The following ATP5PB variants were observed in gnomAD, a reference collection of about 807,000 sequenced individuals.
The protein encoded by ATP5PB is ATP synthase peripheral stalk-membrane subunit b, also known as ATP synthase peripheral stalk subunit b, mitochondrial.
Under a neutral mutation model 34.5 loss-of-function variants are expected in ATP5PB, and 21 were observed. That is an observed-to-expected ratio of 0.61 (90% CI 0.43 to 0.88). The LOEUF (loss-of-function observed/expected upper bound fraction) is 0.88, where lower values mean the gene tolerates loss of function less well. ATP5PB is among the 40% of genes least tolerant of loss of function. The pLI is 0.00. For missense variants in ATP5PB, 293 were observed against 317.4 expected (o/e 0.92, Z 0.58); for synonymous variants, 108 against 114.1 (o/e 0.95, Z 0.34).
Position 111,456,734 on chromosome 1 carries a change from T to G in ATP5PB, c.492T>G (p.His164Gln). ...AACAGGCACTGGTTCAGAAGCGCCA[T>G]TACCTTTTTGATGTGCAAAGGGTAG... Reference protein sequence around the residue: ...KSQQALVQKRHYLFDVQRNNI... With the variant: ...KSQQALVQKRQYLFDVQRNNI... The change falls in exon 5 of 7, where the codon CAT (histidine) becomes CAG (glutamine). Residue 164 changes from histidine (H) to glutamine (Q), a missense_variant. By Grantham distance (24) the His-to-Gln change is conservative. Coordinates refer to ENST00000369722, the MANE Select transcript of ATP5PB (RefSeq NM_001688.5). 6.2e-7 allele frequency: 1 copy of G among 1,611,472 alleles called. No individual in the cohort carries two copies. Among genetic ancestry groups the G allele is most frequent in the Non-Finnish European group, 8.5e-7 (1 of 1,179,002 alleles).
In ATP5PB at chr1:111,456,677, C is replaced by A. The variant is rs762862337; in HGVS notation, c.435C>A (p.His145Gln). The change falls in exon 5 of 7, where the codon CAC becomes CAA. Residue 145 changes from histidine to glutamine, a missense_variant. By Grantham distance (24) the His-to-Gln change is conservative (BLOSUM62 0). Coordinates refer to ENST00000369722, the MANE Select transcript of ATP5PB (RefSeq NM_001688.5). ...LEEAKQASIQHIQNAIDTEKS... is the reference protein window; with the variant it reads ...LEEAKQASIQQIQNAIDTEKS... ...AGGCGAAGCAGGCTTCCATCCAACACATCCAGAATGCAATTGATACGGAGA... is the reference window on the plus strand; with the variant it reads ...AGGCGAAGCAGGCTTCCATCCAACAAATCCAGAATGCAATTGATACGGAGA... The A allele has an allele frequency of 6.2e-7, 1 of 1,613,788 alleles. No individual in the cohort carries two copies. The highest frequency in any genetic ancestry group is 1.1e-5 in the South Asian group (1 of 91,012).
intron 6 of ATP5PB, 89 bp downstream of exon 6, chr1:111,459,725 A>G (rs917399379): frequency 2.1e-6 from 3 of 1,408,706 alleles, no homozygotes; most frequent in Admixed American, 2.2e-5. Context: ...AATAGCTGGC[A>G]AGGAGTCTTT....
At chr1:111,454,722 C>T (rs1653422877) in intron 3 of ATP5PB, among the ~76,000 whole-genome samples, 1 of 152,164 alleles carries the variant, frequency 6.6e-6, no homozygotes, top group African/African-American at 2.4e-5. Context: ...GGATTACAGG[C>T]TTGAGCCACC....
At chr1:111,449,617 T>C (rs1397880968) in intron 1 of ATP5PB, 36 bp downstream of exon 1, 2 of 1,571,648 alleles carry the variant, frequency 1.3e-6, no homozygotes, top group African/African-American at 1.4e-5. Context: ...ACTATCAGAG[T>C]GATTGGAAAG....
In ATP5PB at chr1:111,456,263, A is replaced by G. The variant is rs769097267; in HGVS notation, c.387+14A>G. 1.9e-6 allele frequency: 3 copies of G among 1,560,910 alleles called. No homozygotes were observed. Among genetic ancestry groups the G allele is most frequent in the African/African-American group, 2.8e-5 (2 of 72,372 alleles). On this transcript the variant is annotated intron_variant, in intron 4 of 6. Transcript: ENST00000369722. ...AAACTCAATGAGGTAAGAACCATAA[A>G]CTTTATTTCCTATTTTAGACTAGCA...
chr1:111,458,559 G>A (rs1406007901), intron 5 of ATP5PB, among the ~76,000 whole-genome samples: 2 of 152,116 alleles, frequency 1.3e-5, no homozygotes, highest in Admixed American at 6.5e-5. Flanking sequence ...AGCTGAAGTA[G>A]AATTGGTCGG....
intron 2 of ATP5PB, among the ~76,000 whole-genome samples, chr1:111,452,568 C>A (rs149242826): frequency 6.6e-6 from 1 of 150,968 alleles, no homozygotes; most frequent in East Asian, 1.9e-4. Context: ...AAGATTCTGT[C>A]TCAAAAAAAT....
chr1:111,458,909 G>T (rs906932958), intron 5 of ATP5PB, among the ~76,000 whole-genome samples: 5 of 152,126 alleles, frequency 3.3e-5, no homozygotes, highest in Admixed American at 3.3e-4. Flanking sequence ...ACTATGCCAT[G>T]GTTTGGTTAC....
chr1:111,458,910 G>T (rs1481345528), intron 5 of ATP5PB, among the ~76,000 whole-genome samples: 2 of 152,118 alleles, frequency 1.3e-5, no homozygotes, highest in Non-Finnish European at 1.5e-5. Flanking sequence ...CTATGCCATG[G>T]TTTGGTTACA....
intron 5 of ATP5PB, among the ~76,000 whole-genome samples, chr1:111,458,358 G>A (rs1396015914): frequency 1.3e-5 from 2 of 152,202 alleles, no homozygotes; most frequent in East Asian, 3.8e-4. Context: ...GGAGGAGGGA[G>A]TCACTGTTTT....
rs774970442 is a variant in ATP5PB, at chr1:111,461,005, C to G, written c.*11C>G. 5 of 1,609,918 alleles carry G rather than the reference C, an allele frequency of 3.1e-6. No homozygotes were observed. In the East Asian group the frequency reaches 1.1e-4, roughly 36 times the overall value. ...CAGCCAGTTATGTAAATGTATCTATCCCAATTGAGACAGCTAGAAACAGTT... is the reference window on the plus strand; with the variant it reads ...CAGCCAGTTATGTAAATGTATCTATGCCAATTGAGACAGCTAGAAACAGTT... On this transcript the variant is annotated 3_prime_UTR_variant, in exon 7 of 7. Coordinates refer to ENST00000369722, the MANE Select transcript of ATP5PB (RefSeq NM_001688.5).
rs1248657311 is a variant in ATP5PB, at chr1:111,459,477, G to T, written c.534G>T (p.Leu178Phe). The stretch of plus-strand genomic sequence containing the variant: ...CCCAGAATAACATTGCTATGGCTTT[G>T]GAAGTTACTTACCGGGAACGACTGT... ...DVQRNNIAMA[L>F]EVTYRERLYR... Residue 178 changes from leucine to phenylalanine, a missense_variant, in exon 6 of 7, where the codon TTG (leucine) becomes TTT (phenylalanine). Leu to Phe is a conservative substitution (Grantham distance 22, BLOSUM62 0). Transcript: ENST00000369722. 22 of 1,607,668 alleles carry T rather than the reference G, an allele frequency of 1.4e-5. No homozygotes were observed. Among genetic ancestry groups the T allele is most frequent in the Non-Finnish European group, 1.8e-5 (21 of 1,176,532 alleles).
Position 111,454,239 on chromosome 1 carries a change from A to T in ATP5PB, c.106A>T (p.Thr36Ser), listed in dbSNP as rs1472658521. The change falls in exon 3 of 7, where the codon ACA becomes TCA. Residue 36 changes from threonine (T) to serine (S), a missense_variant. Transcript: ENST00000369722. ...ATTGCAGGCAACAAGGACCTTTCATACAGGGCAGCCACACCTTGTCCCTGT... is the reference window on the plus strand; with the variant it reads ...ATTGCAGGCAACAAGGACCTTTCATTCAGGGCAGCCACACCTTGTCCCTGT... Reference protein sequence around the residue: ...GVLQATRTFHTGQPHLVPVPP... With the variant: ...GVLQATRTFHSGQPHLVPVPP... 1 of 1,605,050 alleles carries T rather than the reference A, an allele frequency of 6.2e-7. No individual in the cohort carries two copies. Among genetic ancestry groups the T allele is most frequent in the South Asian group, 1.1e-5 (1 of 89,236 alleles).
At chr1:111,454,937 C>G (rs1168994553) in intron 3 of ATP5PB, among the ~76,000 whole-genome samples, 1 of 152,104 alleles carries the variant, frequency 6.6e-6, no homozygotes, top group Non-Finnish European at 1.5e-5. Flanking sequence ...TGTTAAGTGC[C>G]TGCTGTCCTG....
intron 3 of ATP5PB, 141 bp downstream of exon 3, chr1:111,454,497 C>G: frequency 9.1e-7 from 1 of 1,103,492 alleles, no homozygotes. Context: ...TACTCTATCA[C>G]CCAGGATGGA....
At chr1:111,456,855 T>G in intron 5 of ATP5PB, 100 bp downstream of exon 5, 1 of 1,348,428 alleles carries the variant, frequency 7.4e-7, no homozygotes, top group Non-Finnish European at 9.7e-7. Flanking sequence ...ATTGAACGTA[T>G]TTTATTTAGA....
chr1:111,456,712 A>G lies in ATP5PB; in HGVS notation c.470A>G (p.Gln157Arg), dbSNP rs1342313888. 6.2e-7 allele frequency: 1 copy of G among 1,613,506 alleles called. No individual in the cohort carries two copies. Among genetic ancestry groups the G allele is most frequent in the Non-Finnish European group, 8.5e-7 (1 of 1,179,796 alleles). The change falls in exon 5 of 7, where the codon CAG becomes CGG. Residue 157 changes from glutamine (Q) to arginine (R), a missense_variant. Transcript: ENST00000369722. ...GCAATTGATACGGAGAAGTCACAAC[A>G]GGCACTGGTTCAGAAGCGCCATTAC... ...QNAIDTEKSQ[Q>R]ALVQKRHYLF... is the part of the protein sequence containing the mutation.
At position 111,449,585 on chromosome 1, in the gene ATP5PB, A is replaced by T; in HGVS notation, c.40+4A>T. Reference sequence around the variant, plus strand: ...CTTTCCGCCGCCGCCACAGCGGGTAAGGGGTATAGACCCTGCTCTGGACTA... The same window carrying T: ...CTTTCCGCCGCCGCCACAGCGGGTATGGGGTATAGACCCTGCTCTGGACTA... On this transcript the variant is annotated splice_donor_region_variant and intron_variant, in intron 1 of 6. Transcript: ENST00000369722. The T allele has an allele frequency of 6.2e-7, 1 of 1,606,572 alleles. No individual in the cohort carries two copies. Among genetic ancestry groups the T allele is most frequent in the Non-Finnish European group, 8.5e-7 (1 of 1,176,044 alleles).
chr1:111,454,899 A>G (rs1025786236), intron 3 of ATP5PB, among the ~76,000 whole-genome samples: 1 of 152,228 alleles, frequency 6.6e-6, no homozygotes, highest in African/African-American at 2.4e-5. Flanking sequence ...TATGCCAGGC[A>G]CTGTTGCAGT....
Sources: gnomAD v4.1 joint callset for allele counts (sites outside exome capture counted in the v4.1 genomes callset) on GRCh38, gnomAD v4.1.1 for gene constraint, MANE v1.5 for transcripts, NCBI Gene and HGNC (gene_info 2026-07-23, HGNC 2026-07-21) for gene names.